Variants in FOXA2 observed in about 807,000 individuals in gnomAD.
FOXA2 encodes forkhead box A2, also known as hepatocyte nuclear factor 3-beta.
Under a neutral mutation model 33.3 loss-of-function variants are expected in FOXA2, and 9 were observed. The observed-to-expected ratio is 0.27, with a 90% CI of 0.16 to 0.47. The LOEUF (loss-of-function observed/expected upper bound fraction) is 0.47, where lower values mean the gene tolerates loss of function less well. Ranked by LOEUF, FOXA2 falls within the 20% of genes least tolerant of loss-of-function variation. The pLI, the probability that FOXA2 is intolerant of heterozygous loss-of-function variation, is 0.99. For missense variants in FOXA2, 704 were observed against 659.9 expected (o/e 1.07, Z -0.73); for synonymous variants, 329 against 289.4 (o/e 1.14, Z -1.39).
At position 22,581,954 on chromosome 20, in the gene FOXA2, T is replaced by C. The variant is rs1984587258; in HGVS notation, c.1288A>G (p.Met430Val). 1 of 1,612,424 alleles carries C rather than the reference T, an allele frequency of 6.2e-7. No individual in the cohort carries two copies. The highest frequency in any genetic ancestry group is 2.2e-5 in the East Asian group (1 of 44,828). Residue 430 changes from methionine (M) to valine (V), a missense_variant, in exon 2 of 2, where the codon ATG (methionine) becomes GTG (valine). Physicochemically the swap from Met to Val is conservative, Grantham distance 21. Transcript: ENST00000419308. The part of the protein sequence containing the change: ...YGSPMPGSLA[M>V]GPVTNKTGLD... ...CCCGTTTTGTTCGTGACCGGGCCCA[T>C]GGCCAAGCTGCCAGGCATGGGGGAA...
rs1363841546 is a variant in FOXA2 at position 22,582,244 on chromosome 20, G to A, written c.998C>T (p.Ala333Val). The A allele has an allele frequency of 6.8e-7, 1 of 1,472,836 alleles. No homozygotes were observed. The allele number at this position is 1,472,836 out of a possible 1,614,324, so 91.2% of individuals were successfully genotyped here. A position where few individuals can be genotyped will look rare whatever the true frequency, so the allele number is the denominator to read the frequency against. Residue 333 changes from alanine to valine, a missense_variant, in exon 2 of 2, where the codon GCT (alanine) becomes GTT (valine). Around this residue, in one of 5 missense-constraint regions of FOXA2, gnomAD observed 343 missense variants for 274.8 expected, o/e 1.25. Transcript: ENST00000419308. The part of the protein sequence containing the change: ...GGLGELKGTP[A>V]AALSPPEPAP... The stretch of plus-strand genomic sequence containing the variant: ...CGGCTCTGGGGGGCTCAGCGCCGCA[G>A]CCGGCGTCCCCTTCAGCTCTCCCAG...
upstream of FOXA2, among the ~76,000 whole-genome samples, chr20:22,584,725 G>T (rs983330941): frequency 2.3e-4 from 35 of 150,944 alleles, no homozygotes; most frequent in Middle Eastern, 3.5e-3. Flanking sequence ...GGTGTGGACC[G>T]CGGAGCGGAC....
Position 22,583,126 on chromosome 20 carries a change from G to A in FOXA2, c.116C>T (p.Ala39Val), listed in dbSNP as rs1472506578. Reference protein sequence around the residue: ...EGYSSVSNMNAGLGMNGMNTY... With the variant: ...EGYSSVSNMNVGLGMNGMNTY... The stretch of plus-strand genomic sequence containing the variant: ...GTTCATGCCGTTCATCCCCAGGCCG[G>A]CGTTCATGTTGCTCACGGAGGAGTA... Residue 39 changes from alanine to valine, a missense_variant, in exon 2 of 2, where the codon GCC becomes GTC. Coordinates refer to ENST00000419308, the MANE Select transcript of FOXA2 (RefSeq NM_021784.5). 3 of 1,604,720 alleles carry A rather than the reference G, an allele frequency of 1.9e-6. No individual in the cohort carries two copies. The highest frequency in any genetic ancestry group is 2.2e-5 in the East Asian group (1 of 44,860).
At position 22,581,436 on chromosome 20, in the gene FOXA2, G is replaced by A. The variant is rs1022856028; in HGVS notation, c.*414C>T. On this transcript the variant is annotated 3_prime_UTR_variant, in exon 2 of 2. Transcript: ENST00000419308. ...CCTCTGGTTCTGTTAAAACTACATG[G>A]TTTTACACCGAGTCACTCACAAAAT... 5 of 159,368 alleles carry A rather than the reference G, an allele frequency of 3.1e-5. No homozygotes were observed. Among genetic ancestry groups the A allele is most frequent in the African/African-American group, 1.2e-4 (5 of 40,682 alleles). 9.9% of individuals were successfully genotyped at this position (159,368 alleles called of 1,614,324 possible).
chr20:22,584,815 C>T (rs932341235), upstream of FOXA2, among the ~76,000 whole-genome samples: 3 of 152,088 alleles, frequency 2.0e-5, no homozygotes, highest in South Asian at 2.1e-4. Flanking sequence ...CCCGGGGCAG[C>T]CCATTTGAAT....
rs887809999 is a variant in FOXA2, at chr20:22,582,936, C to A, written c.306G>T (p.Ala102=). The A allele has an allele frequency of 2.6e-6, 4 of 1,536,486 alleles. No homozygotes were observed. The Admixed American group carries it at 6.1e-5, about 24-fold the overall frequency. Residue 102 remains alanine, a synonymous_variant, in exon 2 of 2, where the codon GCG becomes GCT. Transcript: ENST00000419308. ...GCGGCCCCATGCCCGCCACGCCGGC[C>A]GCCCCGGCCGAGCCGCCCATGCCCG... ...AMAGMGGSAG[A]AGVAGMGPHL...
rs199678088 is a variant in FOXA2 at position 22,582,187 on chromosome 20, G to A, written c.1055C>T (p.Ala352Val). Residue 352 changes from alanine to valine, a missense_variant, in exon 2 of 2, where the codon GCG becomes GTG. Ala to Val is a moderately conservative substitution (Grantham distance 64). Around this residue, in one of 5 missense-constraint regions of FOXA2, gnomAD observed 343 missense variants for 274.8 expected, o/e 1.25. Transcript: ENST00000419308. ...GTGGGGCGGGCCCAGCAGGTGGGCC[G>A]CGGCCTGCTGCTGCTGCCCGGGAGA... ...APSPGQQQQA[A>V]AHLLGPPHHP... is the part of the protein sequence containing the mutation. 39 of 1,551,446 alleles carry A rather than the reference G, an allele frequency of 2.5e-5. No individual in the cohort carries two copies. Among genetic ancestry groups the A allele is most frequent in the Non-Finnish European group, 3.3e-5 (38 of 1,146,770 alleles).
At chr20:22,583,249 G>C (rs1463379431) in intron 1 of FOXA2, 95 bp from the exon 2 acceptor site, 2 of 1,375,852 alleles carry the variant, frequency 1.5e-6, no homozygotes, top group African/African-American at 2.8e-5. Flanking sequence ...TCCGCGTCCG[G>C]GGAGGCCTCC....
Position 22,582,330 on chromosome 20 carries a change from C to T in FOXA2, c.912G>A (p.Pro304=), listed in dbSNP as rs1984607183. The T allele has an allele frequency of 2.0e-6, 3 of 1,477,502 alleles. No homozygotes were observed. Among genetic ancestry groups the T allele is most frequent in the East Asian group, 2.5e-5 (1 of 40,682 alleles). The allele number at this position is 1,477,502 out of a possible 1,614,324, so 91.5% of individuals were successfully genotyped here. The change falls in exon 2 of 2, where the codon CCG becomes CCA. Residue 304 remains proline, a synonymous_variant. Coordinates refer to ENST00000419308, the MANE Select transcript of FOXA2 (RefSeq NM_021784.5). ...GEAAGPASET[P]AGTESPHSSA... ...TCGAGTGAGGCGACTCGGTGCCCGC[C>T]GGAGTCTCGGAGGCCGGCCCGGCGG...
At position 22,581,875 on chromosome 20, in the gene FOXA2, G is replaced by T; in HGVS notation, c.1367C>A (p.Ser456Tyr). Residue 456 changes from serine (S) to tyrosine (Y), a missense_variant, in exon 2 of 2, where the codon TCC becomes TAC. Physicochemically the swap from Ser to Tyr is moderately radical, Grantham distance 144. This residue lies in a region of FOXA2 where 343 missense variants were observed against 274.8 expected (regional missense o/e 1.25). Transcript: ENST00000419308. ...TTAAGAGGAGTTCATAATGGGCCGGGAGTACACCCCCTGGTAGTAGGAGGT... is the reference window on the plus strand; with the variant it reads ...TTAAGAGGAGTTCATAATGGGCCGGTAGTACACCCCCTGGTAGTAGGAGGT... ...ADTSYYQGVYSRPIMNSS is the reference protein window; with the variant it reads ...ADTSYYQGVYYRPIMNSS 6.2e-7 allele frequency: 1 copy of T among 1,607,474 alleles called. No homozygotes were observed. Among genetic ancestry groups the T allele is most frequent in the Non-Finnish European group, 8.5e-7 (1 of 1,174,566 alleles).
intron 1 of FOXA2, 51 bp from the exon 2 acceptor site, chr20:22,583,205 AG>A: frequency 6.3e-7 from 1 of 1,592,940 alleles, no homozygotes; most frequent in Non-Finnish European, 8.5e-7. Flanking sequence ...CCGCGGCTGG[AG>A]GGTGCCCAGA....
At chr20:22,584,082 C>A in intron 1 of FOXA2, 110 bp downstream of exon 1, 2 of 1,014,472 alleles carry the variant, frequency 2.0e-6, no homozygotes, top group South Asian at 2.6e-5. Context: ...CCCAGAAAGG[C>A]TGGGGTTGTG....
Position 22,584,227 on chromosome 20 carries a change from G to A in FOXA2, c.52C>T (p.Pro18Ser). 1 of 1,613,988 alleles carries A rather than the reference G, an allele frequency of 6.2e-7. No individual in the cohort carries two copies. The highest frequency in any genetic ancestry group is 8.5e-7 in the Non-Finnish European group (1 of 1,180,000). The change falls in exon 1 of 2, where the codon CCG becomes TCG. Residue 18 changes from proline to serine, a missense_variant. Coordinates refer to ENST00000419308, the MANE Select transcript of FOXA2 (RefSeq NM_021784.5). ...LGAVKMEGHE[P>S]SDWSSYYAEP... ...GCATAGTAGCTGCTCCAGTCGGACG[G>A]CTCGTGCCCTTCCATCTTCACCGCT...
At position 22,581,172 on chromosome 20, in the gene FOXA2, A is replaced by C. The variant is rs529563054; in HGVS notation, c.*678T>G. ...AAAGAAAAGAAAAATCTGGAAGAAA[A>C]GATTCAAGGGATAAAACCGGGTATA... On this transcript the variant is annotated 3_prime_UTR_variant, in exon 2 of 2. Transcript: ENST00000419308. 6.5e-6 allele frequency: 1 copy of C among 152,760 alleles called. No individual in the cohort carries two copies. The highest frequency in any genetic ancestry group is 2.4e-5 in the African/African-American group (1 of 41,556). 9.5% of individuals were successfully genotyped at this position (152,760 alleles called of 1,614,324 possible).
upstream of FOXA2, among the ~76,000 whole-genome samples, chr20:22,585,048 C>T (rs1324527048): frequency 6.6e-6 from 1 of 152,148 alleles, no homozygotes; most frequent in Non-Finnish European, 1.5e-5. Context: ...GGAAACCACC[C>T]TCTGGGGCGG....
chr20:22,582,938 C>A lies in FOXA2; in HGVS notation c.304G>T (p.Ala102Ser). The A allele has an allele frequency of 6.5e-7, 1 of 1,547,078 alleles. No individual in the cohort carries two copies. The highest frequency in any genetic ancestry group is 8.7e-7 in the Non-Finnish European group (1 of 1,151,888). ...AMAGMGGSAG[A>S]AGVAGMGPHL... ...GGCCCCATGCCCGCCACGCCGGCCG[C>A]CCCGGCCGAGCCGCCCATGCCCGCC... Residue 102 changes from alanine to serine, a missense_variant, in exon 2 of 2, where the codon GCG (alanine) becomes TCG (serine). Ala to Ser is a moderately conservative substitution (Grantham distance 99). This residue lies in a region of FOXA2 where 304 missense variants were observed against 251.7 expected (regional missense o/e 1.21). Coordinates refer to ENST00000419308, the MANE Select transcript of FOXA2 (RefSeq NM_021784.5).
intron 1 of FOXA2, 54 bp from the exon 2 acceptor site, chr20:22,583,208 G>A (rs1404700207): frequency 1.3e-6 from 2 of 1,590,312 alleles, no homozygotes; most frequent in South Asian, 1.1e-5. Flanking sequence ...CGGCTGGAGG[G>A]TGCCCAGACC....
In FOXA2 at chr20:22,581,641, G is replaced by C. The variant is rs1378004846; in HGVS notation, c.*209C>G. ...TTTTCCTCCTTATATAGAACGTGGG[G>C]TATCTGTGTGGCCCTCTGTTTGGGA... On this transcript the variant is annotated 3_prime_UTR_variant, in exon 2 of 2. Transcript: ENST00000419308. The C allele has an allele frequency of 9.5e-6, 5 of 528,096 alleles. No homozygotes were observed. The highest frequency in any genetic ancestry group is 1.3e-5 in the Non-Finnish European group (4 of 298,100). The allele number at this position is 528,096 out of a possible 1,614,324, so 32.7% of individuals were successfully genotyped here.
rs756818226 is a variant in FOXA2, at chr20:22,582,576, A to G, written c.666T>C (p.Cys222=). ...CGGGCGAGCGGGGCACCTTCAGGAA[A>G]CAGTCGTTGAAGGAGAGCGAGTGGC... The part of the protein sequence containing the change: ...SIRHSLSFND[C]FLKVPRSPDK... Residue 222 remains cysteine (C), a synonymous_variant, in exon 2 of 2, where the codon TGT becomes TGC. Coordinates refer to ENST00000419308, the MANE Select transcript of FOXA2 (RefSeq NM_021784.5). 6.2e-7 allele frequency: 1 copy of G among 1,614,120 alleles called. No homozygotes were observed.
Sources: gnomAD v4.1 joint callset for allele counts (sites outside exome capture counted in the v4.1 genomes callset) on GRCh38, gnomAD v4.1.1 for gene constraint, gnomAD v4.1.1 regional missense constraint, MANE v1.5 for transcripts, NCBI Gene and HGNC (gene_info 2026-07-23, HGNC 2026-07-21) for gene names.